THBS3: variants seen among roughly 807,000 people sequenced by gnomAD.
THBS3 encodes thrombospondin-3.
A neutral mutation model predicts 118.3 loss-of-function variants in THBS3; 78 were observed. The ratio of observed to expected loss-of-function variants is 0.66; its 90% CI spans 0.55 to 0.80. The LOEUF (loss-of-function observed/expected upper bound fraction) is 0.80, where lower values mean the gene tolerates loss of function less well. Among genes scored for constraint, THBS3 ranks in the 30% least tolerant of loss-of-function variants. The pLI, the probability that THBS3 is intolerant of heterozygous loss-of-function variation, is 0.00. For synonymous variants in THBS3, 427 were observed against 475.3 expected, an observed-to-expected ratio of 0.90 and a Z score of 1.32; for missense variants, 1,057 against 1,247.4, an observed-to-expected ratio of 0.85 and a Z score of 2.30.
In THBS3 at chr1:155,197,255, GGAGT is replaced by G; in HGVS notation, c.2500-46_2500-43del. 1 of 1,600,224 alleles carries G rather than the reference GGAGT, an allele frequency of 6.2e-7. No individual in the cohort carries two copies. Among genetic ancestry groups the G allele is most frequent in the Non-Finnish European group, 8.6e-7 (1 of 1,168,826 alleles). ...AAGACAGTGGGTCAACTGCAGAACT[GGAGT>G]GAGGGGAGACAACAGGTCGGTAAGT... On this transcript the variant is annotated intron_variant, in intron 20 of 22. Transcript: ENST00000368378. The surrounding 1 kb of genome is among the most constrained non-coding windows in gnomAD (Gnocchi z 5.0).
upstream of THBS3, chr1:155,208,945 CGCG>C (rs1313340591): frequency 1.2e-6 from 2 of 1,609,872 alleles, no homozygotes; most frequent in African/African-American, 2.7e-5. Flanking sequence ...CAGAGCCTGC[CGCG>C]CCTTCAGGGG....
At position 155,197,101 on chromosome 1, in the gene THBS3, C is replaced by G. The variant is rs1278038276; in HGVS notation, c.2612G>C (p.Trp871Ser). 6.2e-7 allele frequency: 1 copy of G among 1,614,182 alleles called. No individual in the cohort carries two copies. The highest frequency in any genetic ancestry group is 1.3e-5 in the African/African-American group (1 of 75,066). Residue 871 changes from tryptophan (W) to serine (S), a missense_variant, in exon 21 of 23, where the codon TGG becomes TCG. Trp to Ser is a radical substitution (Grantham distance 177). This residue lies in a region of THBS3 where 307 missense variants were observed against 326.1 expected (regional missense o/e 0.94). Transcript: ENST00000368378. This position sits in a 1 kb window ranked among gnomAD's most constrained non-coding sequence, Gnocchi z 5.0. ...LLWTDPRNVGWRDKTSYRWQL... is the reference protein window; with the variant it reads ...LLWTDPRNVGSRDKTSYRWQL... Reference sequence around the variant, plus strand: ...CCAGCGATAGGAGGTCTTGTCCCGCCAGCCCACATTTCGTGGGTCTGTCCA... The same window carrying G: ...CCAGCGATAGGAGGTCTTGTCCCGCGAGCCCACATTTCGTGGGTCTGTCCA...
chr1:155,203,427 A>C, intron 5 of THBS3, 86 bp downstream of exon 5: 1 of 1,593,524 alleles, frequency 6.3e-7, no homozygotes, highest in Non-Finnish European at 8.6e-7. Context: ...TACATTCCTG[A>C]CTGAAGAGGA....
At chr1:155,200,209 G>A in intron 14 of THBS3, 96 bp from the exon 15 acceptor site, 2 of 1,193,828 alleles carry the variant, frequency 1.7e-6, no homozygotes, top group East Asian at 4.7e-5. Context: ...CCCACCCAGA[G>A]GACAACTGGC....
Position 155,200,946 on chromosome 1 carries a change from C to T in THBS3, c.1499G>A (p.Gly500Glu). The change falls in exon 13 of 23, where the codon GGG (glycine) becomes GAG (glutamate). Residue 500 changes from glycine (G) to glutamate (E), a missense_variant. This residue lies in a region of THBS3 where 544 missense variants were observed against 715.6 expected (regional missense o/e 0.76). Transcript: ENST00000368378. ...ATCAGCATCATCATCACACTGGTCC[C>T]CCACACCATCATTATCAGCATCTTC... ...GQEDADNDGVGDQCDDDADGD... is the reference protein window; with the variant it reads ...GQEDADNDGVEDQCDDDADGD... 1.9e-6 allele frequency: 3 copies of T among 1,614,142 alleles called. No homozygotes were observed. The highest frequency in any genetic ancestry group is 2.5e-6 in the Non-Finnish European group (3 of 1,180,026).
chr1:155,209,141 TC>T (rs1341220709), upstream of THBS3: 2 of 1,531,028 alleles, frequency 1.3e-6, no homozygotes, highest in East Asian at 2.5e-5. Context: ...CCCGGGGATC[TC>T]CCCAGGCCCC....
In THBS3 at chr1:155,205,075, C is replaced by T. The variant is rs148238928; in HGVS notation, c.528G>A (p.Ala176=). The T allele has an allele frequency of 4.2e-5, 68 of 1,613,418 alleles. No individual in the cohort carries two copies. In the Admixed American group the frequency reaches 6.0e-4, roughly 14 times the overall value. Residue 176 remains alanine, a synonymous_variant, in exon 3 of 23, where the codon GCG becomes GCA. Transcript: ENST00000368378. ...CCCGGCTCACCTGCATCCTCAAATA[C>T]GCCTTCTGTCCAGTCCTAATCTCCA... The part of the protein sequence containing the change: ...DGLEIRTGQK[A]YLRMQGFVES...
chr1:155,197,437 G>A lies in THBS3; in HGVS notation c.2499+26C>T. On this transcript the variant is annotated intron_variant, in intron 20 of 22. Transcript: ENST00000368378. This position sits in a 1 kb window ranked among gnomAD's most constrained non-coding sequence, Gnocchi z 5.0. ...GGAGAGCTTTGGGAAAGGGCCCTGGGTTGCGGAATCTGAGCAGCTGGGGAC... is the reference window on the plus strand; with the variant it reads ...GGAGAGCTTTGGGAAAGGGCCCTGGATTGCGGAATCTGAGCAGCTGGGGAC... 6.2e-7 allele frequency: 1 copy of A among 1,607,744 alleles called. No individual in the cohort carries two copies.
In THBS3 at chr1:155,197,241, T is replaced by C. The variant is rs1485949136; in HGVS notation, c.2500-28A>G. ...AGGAGACATTGGCAAAGACAGTGGG[T>C]CAACTGCAGAACTGGAGTGAGGGGA... On this transcript the variant is annotated intron_variant, in intron 20 of 22. Transcript: ENST00000368378. This position sits in a 1 kb window ranked among gnomAD's most constrained non-coding sequence, Gnocchi z 5.0. 6.2e-7 allele frequency: 1 copy of C among 1,606,872 alleles called. No individual in the cohort carries two copies. The highest frequency in any genetic ancestry group is 8.5e-7 in the Non-Finnish European group (1 of 1,174,190).
At chr1:155,200,281 T>C in intron 14 of THBS3, 168 bp from the exon 15 acceptor site, 1 of 998,330 alleles carries the variant, frequency 1.0e-6, no homozygotes, top group East Asian at 2.5e-5. Context: ...CACTACGCCC[T>C]ACCTCACATT....
intron 10 of THBS3, 50 bp downstream of exon 10, chr1:155,201,907 G>A (rs1272171817): frequency 6.2e-7 from 1 of 1,611,396 alleles, no homozygotes; most frequent in Admixed American, 1.7e-5. Context: ...CGGGGGTTGG[G>A]GTTTTACCAT....
chr1:155,206,244 T>G lies in THBS3; in HGVS notation c.242A>C (p.Asn81Thr). The G allele has an allele frequency of 6.2e-7, 1 of 1,614,112 alleles. No individual in the cohort carries two copies. The highest frequency in any genetic ancestry group is 8.5e-7 in the Non-Finnish European group (1 of 1,180,018). Reference sequence around the variant, plus strand: ...AACAGAGGCCTCCAGCCATCGAGTGTTGTCTTGGCGAGAATAGAGGCCAAA... The same window carrying G: ...AACAGAGGCCTCCAGCCATCGAGTGGTGTCTTGGCGAGAATAGAGGCCAAA... ...VLFGLYSRQD[N>T]TRWLEASVVG... is the part of the protein sequence containing the mutation. The change falls in exon 2 of 23, where the codon AAC becomes ACC. Residue 81 changes from asparagine to threonine, a missense_variant. Physicochemically the swap from Asn to Thr is moderately conservative, Grantham distance 65. Around this residue, in one of 3 missense-constraint regions of THBS3, gnomAD observed 206 missense variants for 205.7 expected, o/e 1.00. Transcript: ENST00000368378. This position sits in a 1 kb window ranked among gnomAD's most constrained non-coding sequence, Gnocchi z 4.2.
At chr1:155,201,915 C>A (rs775461206) in intron 10 of THBS3, 42 bp downstream of exon 10, 10 of 1,612,394 alleles carry the variant, frequency 6.2e-6, no homozygotes, top group Non-Finnish European at 8.5e-6. Context: ...GGGGTTTTAC[C>A]ATTCCCACCA....
upstream of THBS3, chr1:155,208,710 C>CCGG: frequency 7.7e-7 from 1 of 1,300,874 alleles, no homozygotes; most frequent in Non-Finnish European, 1.0e-6. Flanking sequence ...AGCCCCAGCC[C>CCGG]GGCCTCCGCT....
chr1:155,199,709 C>A, intron 16 of THBS3, 95 bp downstream of exon 16: 5 of 1,353,730 alleles, frequency 3.7e-6, no homozygotes, highest in Non-Finnish European at 5.2e-6. Flanking sequence ...GAGCCAAGAT[C>A]GTGCCACTGT....
Position 155,200,911 on chromosome 1 carries a change from TC to T in THBS3, c.1533del (p.Ile512SerfsTer93). 1.9e-6 allele frequency: 3 copies of T among 1,613,872 alleles called. No individual in the cohort carries two copies. The highest frequency in any genetic ancestry group is 2.5e-6 in the Non-Finnish European group (3 of 1,179,954). ...DQCDDDADGD[G>X]IKNVEDNCRL... ...CTGGGAGTCACCTCAACATTCTTGATCCCATCCCCATCAGCATCATCATCAC... is the reference window on the plus strand; with the variant it reads ...CTGGGAGTCACCTCAACATTCTTGATCCATCCCCATCAGCATCATCATCAC... On this transcript the variant is annotated frameshift_variant, in exon 13 of 23. Transcript: ENST00000368378. LOFTEE classifies it high-confidence loss of function.
rs76545395 is a variant in THBS3, at chr1:155,207,256, C to T, written c.79+542G>A. On this transcript the variant is annotated intron_variant, in intron 1 of 22. Coordinates refer to ENST00000368378, the MANE Select transcript of THBS3 (RefSeq NM_007112.5). ...TCCCACGGGAATGTAGGACCCAGCT[C>T]CTCTGCCTCCTGTGTCCTGGCCAAT... Among the ~76,000 whole-genome samples, 1,109 of 152,284 alleles carry T rather than the reference C, an allele frequency of 7.3e-3. 6 individuals are homozygous for T. The highest frequency in any genetic ancestry group is 0.012 in the Non-Finnish European group (815 of 68,006).
At position 155,197,003 on chromosome 1, in the gene THBS3, G is replaced by GC; in HGVS notation, c.2672+37dup. On this transcript the variant is annotated intron_variant, in intron 21 of 22. Coordinates refer to ENST00000368378, the MANE Select transcript of THBS3 (RefSeq NM_007112.5). The surrounding 1 kb of genome is among the most constrained non-coding windows in gnomAD (Gnocchi z 5.0). ...CAGCTAAAGAGGAAGGACAGGCCCG[G>GC]CCTGAGTCCCACAGGTGGGCTCAGC... 1 of 1,597,340 alleles carries GC rather than the reference G, an allele frequency of 6.3e-7. No homozygotes were observed. The highest frequency in any genetic ancestry group is 1.7e-4 in the Middle Eastern group (1 of 5,994).
chr1:155,200,426 C>G, intron 14 of THBS3, 25 bp downstream of exon 14: 1 of 1,607,252 alleles, frequency 6.2e-7, no homozygotes, highest in Non-Finnish European at 8.5e-7. Flanking sequence ...GTCCCCCAGC[C>G]ACCCCTTCAG....
Sources: gnomAD v4.1 joint callset for allele counts (sites outside exome capture counted in the v4.1 genomes callset) on GRCh38, gnomAD v4.1.1 for gene constraint, gnomAD v4.1.1 regional missense constraint, Gnocchi (gnomAD v3.1) non-coding constraint, MANE v1.5 for transcripts, NCBI Gene and HGNC (gene_info 2026-07-23, HGNC 2026-07-21) for gene names.